Variants in PRKAG2 observed in about 807,000 individuals in gnomAD.
PRKAG2 encodes protein kinase AMP-activated non-catalytic subunit gamma 2.
PRKAG2 carries 26 observed loss-of-function variants against 69.6 expected under a neutral mutation model. The ratio of observed to expected loss-of-function variants is 0.37; its 90% CI spans 0.27 to 0.52. The LOEUF (loss-of-function observed/expected upper bound fraction) is 0.52, where lower values mean the gene tolerates loss of function less well. Among genes scored for constraint, PRKAG2 ranks in the 20% least tolerant of loss-of-function variants. The pLI, the probability that PRKAG2 is intolerant of heterozygous loss-of-function variation, is 0.90. For missense variants in PRKAG2, 557 were observed against 740.0 expected, an observed-to-expected ratio of 0.75 and a Z score of 2.87; for synonymous variants, 293 against 285.0, an observed-to-expected ratio of 1.03 and a Z score of -0.28.
At chr7:151,829,934 A>AC (rs2078986869) in intron 1 of PRKAG2, among the ~76,000 whole-genome samples, 1 of 151,122 alleles carries the variant, frequency 6.6e-6, no homozygotes, top group Admixed American at 6.6e-5. Flanking sequence ...AGGCGCAGAC[A>AC]CCCCCCTGAG....
intron 1 of PRKAG2, among the ~76,000 whole-genome samples, chr7:151,802,401 G>A (rs1314406184): frequency 2.6e-5 from 4 of 152,142 alleles, no homozygotes; most frequent in East Asian, 1.9e-4. Context: ...CAGGATGGCC[G>A]AGGGTGCCAA....
intron 3 of PRKAG2, among the ~76,000 whole-genome samples, chr7:151,737,670 C>T (rs1289746215): frequency 6.6e-6 from 1 of 152,186 alleles, no homozygotes; most frequent in East Asian, 1.9e-4. Flanking sequence ...GGTCCAGCCT[C>T]CCAACTTGGG....
intron 13 of PRKAG2, among the ~76,000 whole-genome samples, chr7:151,564,802 C>T (rs565847344): frequency 9.2e-5 from 14 of 152,080 alleles, no homozygotes; most frequent in African/African-American, 3.1e-4. Flanking sequence ...GCATATTTCT[C>T]GGTGACTGTT....
intron 5 of PRKAG2, 177 bp downstream of exon 5, chr7:151,631,892 C>G: frequency 1.8e-6 from 1 of 555,728 alleles, no homozygotes. Context: ...CCCCGCAGCC[C>G]GAGCTCGCCG....
chr7:151,767,340 G>C (rs900477199), intron 3 of PRKAG2, among the ~76,000 whole-genome samples: 3 of 152,224 alleles, frequency 2.0e-5, no homozygotes, highest in African/African-American at 7.2e-5. Flanking sequence ...ACCGAGGCTG[G>C]AGTGCAGTGG....
At position 151,781,589 on chromosome 7, in the gene PRKAG2, G is replaced by A. The variant is rs2076673813; in HGVS notation, c.187-158C>T. On this transcript the variant is annotated intron_variant, in intron 2 of 15. Coordinates refer to ENST00000287878, the MANE Select transcript of PRKAG2 (RefSeq NM_016203.4). This position sits in a 1 kb window ranked among gnomAD's most constrained non-coding sequence, Gnocchi z 6.1. ...AAGCTCTTCCACAGAGGTAGCCACT[G>A]AATGGTCTGCAGGTAGCACCTGCCC... 6.6e-6 allele frequency among the ~76,000 whole-genome samples: 1 copy of A among 152,198 alleles called. No homozygotes were observed. The highest frequency in any genetic ancestry group is 1.5e-5 in the Non-Finnish European group (1 of 68,044).
rs1346971647 is a variant in PRKAG2, at chr7:151,756,139, G to A, written c.466+25013C>T. 2.6e-5 allele frequency among the ~76,000 whole-genome samples: 4 copies of A among 152,114 alleles called. No individual in the cohort carries two copies. The highest frequency in any genetic ancestry group is 9.7e-5 in the African/African-American group (4 of 41,436). On this transcript the variant is annotated intron_variant, in intron 3 of 15. Transcript: ENST00000287878. The surrounding 1 kb of genome is among the most constrained non-coding windows in gnomAD (Gnocchi z 4.9). ...AGCCACAGGTCCCTCTGCCCCCAAA[G>A]CAGGTCTCGCCTCTGCACCATCGGT...
At chr7:151,631,603 T>TA (rs747748635) in intron 5 of PRKAG2, 7 of 447,216 alleles carry the variant, frequency 1.6e-5, no homozygotes, top group African/African-American at 1.2e-4. Flanking sequence ...TTTTCCTATT[T>TA]AACTTTCCCC....
At chr7:151,715,998 T>C (rs1563507664) in intron 3 of PRKAG2, among the ~76,000 whole-genome samples, 1 of 152,086 alleles carries the variant, frequency 6.6e-6, no homozygotes, top group Non-Finnish European at 1.5e-5. Flanking sequence ...TTCAAAATAA[T>C]CCAAGGGGCA....
chr7:151,661,569 T>A (rs73158143), intron 4 of PRKAG2, among the ~76,000 whole-genome samples: 2,191 of 152,200 alleles, frequency 0.014, 20 homozygotes, highest in Admixed American at 0.029. Context: ...TTCCATTTTT[T>A]AAAAAAATAA....
intron 1 of PRKAG2, among the ~76,000 whole-genome samples, chr7:151,817,102 C>A (rs998227508): frequency 5.9e-5 from 9 of 152,158 alleles, no homozygotes; most frequent in African/African-American, 2.2e-4. Flanking sequence ...ACTGTCTTCA[C>A]CTGCATTTCT....
intron 5 of PRKAG2, among the ~76,000 whole-genome samples, chr7:151,630,188 G>A (rs1410023757): frequency 1.3e-5 from 2 of 151,782 alleles, no homozygotes; most frequent in African/African-American, 4.8e-5. Flanking sequence ...AGACACTTAG[G>A]TTTAATACTT....
At chr7:151,558,092 TA>T in intron 15 of PRKAG2, 1 of 985,338 alleles carries the variant, frequency 1.0e-6, no homozygotes, top group Non-Finnish European at 1.2e-6. Context: ...TGAAACACCG[TA>T]GCTCCTGGCA....
At chr7:151,678,625 C>T (rs1833337654) in intron 3 of PRKAG2, among the ~76,000 whole-genome samples, 3 of 152,070 alleles carry the variant, frequency 2.0e-5, no homozygotes, top group Admixed American at 6.6e-5. Flanking sequence ...GGACCCGAAA[C>T]TTAAAATGTA....
intron 2 of PRKAG2, among the ~76,000 whole-genome samples, chr7:151,784,522 T>C (rs187647370): frequency 4.6e-5 from 7 of 152,262 alleles, no homozygotes; most frequent in Admixed American, 2.0e-4. Flanking sequence ...CTGGCTAGGC[T>C]TCAGAGACGC....
chr7:151,781,311 T>C lies in PRKAG2; in HGVS notation c.307A>G (p.Lys103Glu), dbSNP rs1243712572. Reference sequence around the variant, plus strand: ...TGGTAGGAGAACGGGAACACGGTTTTGGGAGAGCCGGGGCTGGTCTTGGGC... The same window carrying C: ...TGGTAGGAGAACGGGAACACGGTTTCGGGAGAGCCGGGGCTGGTCTTGGGC... Reference protein sequence around the residue: ...VRPKTSPGSPKTVFPFSYQES... With the variant: ...VRPKTSPGSPETVFPFSYQES... The change falls in exon 3 of 16, where the codon AAA (lysine) becomes GAA (glutamate). Residue 103 changes from lysine (K) to glutamate (E), a missense_variant. By Grantham distance (56) the Lys-to-Glu change is moderately conservative. This residue lies in a region of PRKAG2 where 352 missense variants were observed against 356.7 expected (regional missense o/e 0.99). Transcript: ENST00000287878. The surrounding 1 kb of genome is among the most constrained non-coding windows in gnomAD (Gnocchi z 6.1). The C allele has an allele frequency of 6.2e-7, 1 of 1,614,000 alleles. No homozygotes were observed. The highest frequency in any genetic ancestry group is 8.5e-7 in the Non-Finnish European group (1 of 1,179,998).
intron 3 of PRKAG2, among the ~76,000 whole-genome samples, chr7:151,709,846 ATT>A (rs1839279137): frequency 6.6e-6 from 1 of 152,058 alleles, no homozygotes; most frequent in South Asian, 2.1e-4. Context: ...GATGTGTGAC[ATT>A]GAGTGACAGT....
At chr7:151,784,259 G>A (rs896753490) in intron 2 of PRKAG2, among the ~76,000 whole-genome samples, 1 of 152,226 alleles carries the variant, frequency 6.6e-6, no homozygotes, top group Admixed American at 6.5e-5. Context: ...GGAAAGGTGA[G>A]CCCGGACCTG....
chr7:151,704,579 T>G (rs73484124), intron 3 of PRKAG2, among the ~76,000 whole-genome samples: 18 of 152,376 alleles, frequency 1.2e-4, no homozygotes, highest in African/African-American at 3.1e-4. Context: ...TGATGCTGTA[T>G]GAACATTCTA....
Sources: allele counts gnomAD v4.1 joint callset (sites outside exome capture counted in the v4.1 genomes callset), GRCh38; gene constraint gnomAD v4.1.1; regional missense constraint gnomAD v4.1.1; non-coding constraint Gnocchi (gnomAD v3.1); transcripts MANE v1.5; gene names NCBI Gene and HGNC (gene_info 2026-07-23, HGNC 2026-07-21).